Variants in CNTRL observed in about 807,000 individuals in gnomAD.
The protein encoded by CNTRL is centriolin.
In CNTRL, 233 loss-of-function variants were observed where a neutral mutation model predicts 303.7. The ratio of observed to expected loss-of-function variants is 0.77; its 90% CI spans 0.69 to 0.86. The LOEUF (loss-of-function observed/expected upper bound fraction) is 0.86. Ranked by LOEUF, CNTRL falls within the 40% of genes least tolerant of loss-of-function variation. The pLI is 0.00. For synonymous variants in CNTRL, 900 were observed against 922.2 expected (o/e 0.98, Z 0.44); for missense variants, 2,524 against 2,650.6 (o/e 0.95, Z 1.05).
chr9:121,136,039 T>A, intron 15 of CNTRL, 57 bp downstream of exon 15: 1 of 1,384,552 alleles, frequency 7.2e-7, no homozygotes, highest in East Asian at 2.4e-5. Flanking sequence ...TAAGATATCA[T>A]CCTTCTTTTA....
At chr9:121,082,411 T>TA (rs1022414737) in intron 2 of CNTRL, among the ~76,000 whole-genome samples, 1 of 152,232 alleles carries the variant, frequency 6.6e-6, no homozygotes, top group Non-Finnish European at 1.5e-5. Flanking sequence ...TGCAGTTCAT[T>TA]ATGTAGAGAC....
In CNTRL at chr9:121,165,063, G is replaced by A; in HGVS notation, c.5544G>A (p.Leu1848=). Residue 1848 remains leucine (L), a synonymous_variant, in exon 35 of 44, where the codon CTG becomes CTA. Coordinates refer to ENST00000373855, the MANE Select transcript of CNTRL (RefSeq NM_007018.6). ...AACTAAACAGAGACAAGTTGTCACTGCATAACGACATTTCAGCAATGCAAC... is the reference window on the plus strand; with the variant it reads ...AACTAAACAGAGACAAGTTGTCACTACATAACGACATTTCAGCAATGCAAC... ...LDQLNRDKLS[L]HNDISAMQQQ... 1 of 1,601,478 alleles carries A rather than the reference G, an allele frequency of 6.2e-7. No homozygotes were observed. The highest frequency in any genetic ancestry group is 8.5e-7 in the Non-Finnish European group (1 of 1,175,310).
intron 27 of CNTRL, among the ~76,000 whole-genome samples, chr9:121,155,117 T>C (rs2052498212): frequency 6.6e-6 from 1 of 152,224 alleles, no homozygotes; most frequent in African/African-American, 2.4e-5. Flanking sequence ...TTTTCTTATC[T>C]ATAAATTCAG....
chr9:121,145,322 A>C lies in CNTRL; in HGVS notation c.3247A>C (p.Thr1083Pro), dbSNP rs766373601. Residue 1083 changes from threonine (T) to proline (P), a missense_variant, in exon 22 of 44, where the codon ACA becomes CCA. By Grantham distance (38) the Thr-to-Pro change is conservative (BLOSUM62 -1). Transcript: ENST00000373855. Reference protein sequence around the residue: ...QVLEIEKLNETMERQRTEIAR... With the variant: ...QVLEIEKLNEPMERQRTEIAR... ...CCTAGAAATTGAGAAACTGAATGAGACAATGGAACGACAAAGGACAGAGAT... is the reference window on the plus strand; with the variant it reads ...CCTAGAAATTGAGAAACTGAATGAGCCAATGGAACGACAAAGGACAGAGAT... 1.2e-6 allele frequency: 2 copies of C among 1,614,144 alleles called. No homozygotes were observed. The highest frequency in any genetic ancestry group is 1.7e-6 in the Non-Finnish European group (2 of 1,180,002).
chr9:121,157,071 TTCTG>T (rs546879908), intron 27 of CNTRL, among the ~76,000 whole-genome samples: 380 of 152,364 alleles, frequency 2.5e-3, no homozygotes, highest in Non-Finnish European at 4.2e-3. Context: ...TATATAGTCT[TTCTG>T]TCTTTGTTGA....
In CNTRL at chr9:121,162,087, T is replaced by TC; in HGVS notation, c.5242dup (p.Gln1748ProfsTer15). 6.2e-7 allele frequency: 1 copy of TC among 1,614,112 alleles called. No homozygotes were observed. The highest frequency in any genetic ancestry group is 8.5e-7 in the Non-Finnish European group (1 of 1,180,010). ...GGAGTTAGAGAATTTGCAGCAGATA[T>TC]CCCAGCAGCAGAAAGGGGAAATAGA... On this transcript the variant is annotated frameshift_variant, in exon 34 of 44. Transcript: ENST00000373855. LOFTEE classifies it high-confidence loss of function.
rs4836836 is a variant in CNTRL at position 121,075,483 on chromosome 9, C to T, written c.-205+416C>T. The stretch of plus-strand genomic sequence containing the variant: ...CCTGACGGGTTGTCACGGTATCGGA[C>T]GGAGTACAGTGCGTGGAGAAAGATG... On this transcript the variant is annotated intron_variant, in intron 1 of 43. Coordinates refer to ENST00000373855, the MANE Select transcript of CNTRL (RefSeq NM_007018.6). 9.3e-4 allele frequency among the ~76,000 whole-genome samples: 141 copies of T among 152,170 alleles called. 1 individual carries two copies. Among genetic ancestry groups the T allele is most frequent in the Admixed American group, 6.8e-3 (104 of 15,280 alleles).
intron 23 of CNTRL, among the ~76,000 whole-genome samples, chr9:121,147,638 TGAG>T (rs1039819724): frequency 1.3e-4 from 19 of 151,994 alleles, no homozygotes; most frequent in Non-Finnish European, 2.4e-4. Context: ...ATGTTGAAAG[TGAG>T]GAGAAGACTA....
chr9:121,168,365 G>A (rs745788223), intron 38 of CNTRL, 44 bp downstream of exon 38: 2 of 1,549,488 alleles, frequency 1.3e-6, no homozygotes, highest in Non-Finnish European at 1.8e-6. Flanking sequence ...GGTATGGATT[G>A]GCTCTGCTGG....
intron 40 of CNTRL, among the ~76,000 whole-genome samples, chr9:121,171,912 G>A (rs1273277143): frequency 2.0e-5 from 3 of 152,102 alleles, no homozygotes; most frequent in South Asian, 2.1e-4. Context: ...AAGATGGTCC[G>A]GGGGAAACCT....
At position 121,145,116 on chromosome 9, in the gene CNTRL, C is replaced by G. The variant is rs557913543; in HGVS notation, c.3169-128C>G. On this transcript the variant is annotated intron_variant, in intron 21 of 43. Coordinates refer to ENST00000373855, the MANE Select transcript of CNTRL (RefSeq NM_007018.6). ...TGTGTGCCAGGCTTGGTGCAGTTTC[C>G]AAGTAATGCAGTTTCCTCACTGGGA... The G allele has an allele frequency of 4.5e-5, 55 of 1,214,682 alleles. No homozygotes were observed. The South Asian group carries it at 8.0e-4, about 18-fold the overall frequency. 75.2% of individuals were successfully genotyped at this position (1,214,682 alleles called of 1,614,324 possible).
chr9:121,168,271 A>G lies in CNTRL; in HGVS notation c.6020A>G (p.Gln2007Arg). Residue 2007 changes from glutamine (Q) to arginine (R), a missense_variant, in exon 38 of 44, where the codon CAG becomes CGG. By Grantham distance (43) the Gln-to-Arg change is conservative. Transcript: ENST00000373855. ...GCTGAAGAGCGTGTTAGGACTCTGCAGGAAGAGGAGAGGTGGTGTGAGAGC... is the reference window on the plus strand; with the variant it reads ...GCTGAAGAGCGTGTTAGGACTCTGCGGGAAGAGGAGAGGTGGTGTGAGAGC... ...LAAEERVRTL[Q>R]EEERWCESLE... The G allele has an allele frequency of 6.2e-7, 1 of 1,614,198 alleles. No individual in the cohort carries two copies. Among genetic ancestry groups the G allele is most frequent in the Non-Finnish European group, 8.5e-7 (1 of 1,180,034 alleles).
chr9:121,102,331 CT>C (rs2049218910), intron 7 of CNTRL, among the ~76,000 whole-genome samples: 1 of 152,142 alleles, frequency 6.6e-6, no homozygotes, highest in Non-Finnish European at 1.5e-5. Flanking sequence ...GAGAAAAGGC[CT>C]TTGACAAACT....
chr9:121,169,909 C>T (rs754967607), intron 39 of CNTRL, 93 bp downstream of exon 39: 8 of 1,017,310 alleles, frequency 7.9e-6, no homozygotes, highest in Non-Finnish European at 1.2e-5. Context: ...AATAAATTAC[C>T]CATCAACCCA....
At chr9:121,144,648 G>T (rs1056300226) in intron 20 of CNTRL, among the ~76,000 whole-genome samples, 195 bp from the exon 21 acceptor site, 1 of 152,194 alleles carries the variant, frequency 6.6e-6, no homozygotes, top group Non-Finnish European at 1.5e-5. Flanking sequence ...TTCTGATGCC[G>T]CACCTTGGGG....
chr9:121,119,297 TTC>T (rs541809135), intron 12 of CNTRL, among the ~76,000 whole-genome samples: 6 of 150,862 alleles, frequency 4.0e-5, no homozygotes, highest in Admixed American at 1.3e-4. Context: ...TCATCTTTCT[TTC>T]TCTCTCTCTC....
At chr9:121,131,999 T>A (rs1055233962) in intron 14 of CNTRL, among the ~76,000 whole-genome samples, 3 of 152,164 alleles carry the variant, frequency 2.0e-5, no homozygotes, top group Non-Finnish European at 4.4e-5. Context: ...CTGAGAGATC[T>A]GCTGTTAGTC....
intron 9 of CNTRL, among the ~76,000 whole-genome samples, chr9:121,113,156 T>C (rs1274045439): frequency 3.3e-5 from 5 of 152,162 alleles, no homozygotes; most frequent in Admixed American, 6.6e-5. Flanking sequence ...ATTTTATTTA[T>C]ATGAGCCAAG....
rs138238204 is a variant in CNTRL at position 121,125,794 on chromosome 9, T to G, written c.1883T>G (p.Ile628Ser). The G allele has an allele frequency of 6.2e-7, 1 of 1,614,152 alleles. No individual in the cohort carries two copies. The highest frequency in any genetic ancestry group is 1.3e-5 in the African/African-American group (1 of 75,034). Reference sequence around the variant, plus strand: ...GGGTTGCAAGAATACCTGGGGACCATTAAAGGCCAGGCAACTCAGGCCCAG... The same window carrying G: ...GGGTTGCAAGAATACCTGGGGACCAGTAAAGGCCAGGCAACTCAGGCCCAG... The part of the protein sequence containing the change: ...ISGLQEYLGT[I>S]KGQATQAQNE... Residue 628 changes from isoleucine (I) to serine (S), a missense_variant, in exon 14 of 44, where the codon ATT (isoleucine) becomes AGT (serine). Transcript: ENST00000373855.
Sources: allele counts gnomAD v4.1 joint callset (sites outside exome capture counted in the v4.1 genomes callset), GRCh38; gene constraint gnomAD v4.1.1; transcripts MANE v1.5; gene names NCBI Gene and HGNC (gene_info 2026-07-23, HGNC 2026-07-21).